The following DGKI variants were observed in gnomAD, a reference collection of about 807,000 sequenced individuals.
DGKI encodes DAG kinase iota.
In DGKI, 55 loss-of-function variants were observed where a neutral mutation model predicts 147.5. The ratio of observed to expected loss-of-function variants is 0.37; its 90% CI spans 0.30 to 0.47. The LOEUF (loss-of-function observed/expected upper bound fraction) is 0.47. Among genes scored for constraint, DGKI ranks in the 20% least tolerant of loss-of-function variants. The probability of loss-of-function intolerance (pLI) is 1.00; values close to 1 mark genes in which losing one functional copy is unlikely to be tolerated. For synonymous variants in DGKI, 469 were observed against 477.1 expected, an observed-to-expected ratio of 0.98 and a Z score of 0.22; for missense variants, 1,007 against 1,323.8, an observed-to-expected ratio of 0.76 and a Z score of 3.71.
At chr7:137,837,505 A>G (rs1394517034) in intron 1 of DGKI, among the ~76,000 whole-genome samples, 4 of 152,204 alleles carry the variant, frequency 2.6e-5, no homozygotes, top group Non-Finnish European at 5.9e-5. Flanking sequence ...CAAAAGTCAC[A>G]TGTTGAAATT....
chr7:137,747,598 G>A (rs147072060), intron 1 of DGKI, among the ~76,000 whole-genome samples: 12 of 152,176 alleles, frequency 7.9e-5, no homozygotes, highest in Admixed American at 2.6e-4. Context: ...TACTCAGGCC[G>A]GCTCCCACAT....
chr7:137,619,839 C>T lies in DGKI; in HGVS notation c.978G>A (p.Lys326=), dbSNP rs1197603125. The T allele has an allele frequency of 6.2e-7, 1 of 1,613,792 alleles. No individual in the cohort carries two copies. Among genetic ancestry groups the T allele is most frequent in the African/African-American group, 1.3e-5 (1 of 75,002 alleles). The change falls in exon 8 of 33, where the codon AAG becomes AAA. Residue 326 remains lysine, a synonymous_variant. Coordinates refer to ENST00000614521, the MANE Select transcript of DGKI (RefSeq NM_001321708.2). ...TGGCAGTTACCTGAGGTTTCTTCAC[C>T]TTAATGATCCAAGTGGGCGGGACAA... is the stretch of plus-strand genomic sequence containing the variant. ...AVIVPPTWII[K]VKKPQNSLKA...
chr7:137,516,689 T>C (rs1183262866), intron 21 of DGKI, among the ~76,000 whole-genome samples: 1 of 152,106 alleles, frequency 6.6e-6, no homozygotes, highest in Non-Finnish European at 1.5e-5. Flanking sequence ...TCTAGTTTCA[T>C]CTTTCAATGA....
chr7:137,493,275 C>T (rs1815838864), intron 21 of DGKI, among the ~76,000 whole-genome samples: 1 of 152,178 alleles, frequency 6.6e-6, no homozygotes, highest in Admixed American at 6.5e-5. Flanking sequence ...AGTGCCCCAT[C>T]GCACCCACTA....
rs192888351 is a variant in DGKI at position 137,659,147 on chromosome 7, C to T, written c.607-2607G>A. On this transcript the variant is annotated intron_variant, in intron 3 of 32. Coordinates refer to ENST00000614521, the MANE Select transcript of DGKI (RefSeq NM_001321708.2). ...TAGAGCTCCTTTTGAGTCAGTGTTG[C>T]TGTCTTTTGTTGCTCTCAATTTCCT... Among the ~76,000 whole-genome samples, 16 of 152,242 alleles carry T rather than the reference C, an allele frequency of 1.1e-4. No individual in the cohort carries two copies. In the East Asian group the frequency reaches 3.1e-3, roughly 29 times the overall value.
chr7:137,748,513 T>G (rs1176504897), intron 1 of DGKI, among the ~76,000 whole-genome samples: 1 of 152,104 alleles, frequency 6.6e-6, no homozygotes, highest in African/African-American at 2.4e-5. Flanking sequence ...CTACAACTAT[T>G]TATTGAGTCC....
intron 1 of DGKI, among the ~76,000 whole-genome samples, chr7:137,778,289 A>G (rs1360357335): frequency 6.6e-6 from 1 of 152,172 alleles, no homozygotes; most frequent in Non-Finnish European, 1.5e-5. Flanking sequence ...CTTTTAAGGG[A>G]AGGGTGTGTC....
At position 137,616,128 on chromosome 7, in the gene DGKI, G is replaced by A. The variant is rs146853810; in HGVS notation, c.993+3696C>T. Reference sequence around the variant, plus strand: ...GTGAGGCAGTGTGGCATACCAATAAGAGCTTGTTTTTTGGAATCAAAATTC... The same window carrying A: ...GTGAGGCAGTGTGGCATACCAATAAAAGCTTGTTTTTTGGAATCAAAATTC... On this transcript the variant is annotated intron_variant, in intron 8 of 32. Coordinates refer to ENST00000614521, the MANE Select transcript of DGKI (RefSeq NM_001321708.2). Among the ~76,000 whole-genome samples the A allele has an allele frequency of 3.2e-3, 483 of 152,160 alleles. 2 individuals are homozygous for A. Among genetic ancestry groups the A allele is most frequent in the African/African-American group, 0.011 (468 of 41,482 alleles).
chr7:137,589,963 A>C (rs940339344), intron 12 of DGKI, among the ~76,000 whole-genome samples: 11 of 152,170 alleles, frequency 7.2e-5, no homozygotes, highest in Non-Finnish European at 4.4e-5. Context: ...GGGTAAAGAA[A>C]ATGCTATGAG....
intron 2 of DGKI, among the ~76,000 whole-genome samples, chr7:137,685,963 C>A (rs1202624507): frequency 6.6e-6 from 1 of 152,146 alleles, no homozygotes; most frequent in African/African-American, 2.4e-5. Context: ...ATCCCCTTCT[C>A]ACTGATTGAG....
intron 21 of DGKI, among the ~76,000 whole-genome samples, chr7:137,504,907 C>G (rs922649288): frequency 2.6e-5 from 4 of 152,108 alleles, no homozygotes; most frequent in Non-Finnish European, 1.5e-5. Flanking sequence ...AACTTCCACT[C>G]TGTGAAAAGA....
At chr7:137,432,338 A>G (rs1363544500) in intron 28 of DGKI, among the ~76,000 whole-genome samples, 2 of 152,178 alleles carry the variant, frequency 1.3e-5, no homozygotes, top group Non-Finnish European at 2.9e-5. Context: ...GTAATCCTAG[A>G]GAACAATAGG....
chr7:137,644,407 C>A (rs1263647996), intron 6 of DGKI, among the ~76,000 whole-genome samples: 12 of 152,160 alleles, frequency 7.9e-5, no homozygotes, highest in African/African-American at 1.9e-4. Flanking sequence ...CCTTCATAAC[C>A]AATGGTTACA....
chr7:137,481,077 T>G (rs1261836146), intron 23 of DGKI, among the ~76,000 whole-genome samples: 1 of 152,158 alleles, frequency 6.6e-6, no homozygotes, highest in Non-Finnish European at 1.5e-5. Flanking sequence ...TTCCTCAAGC[T>G]CTACACTATT....
rs919527791 is a variant in DGKI at position 137,390,110 on chromosome 7, G to A, written c.*1110C>T. The A allele has an allele frequency of 6.6e-6, 1 of 151,994 alleles. No homozygotes were observed. The highest frequency in any genetic ancestry group is 1.5e-5 in the Non-Finnish European group (1 of 68,008). 9.4% of individuals were successfully genotyped at this position (151,994 alleles called of 1,614,324 possible). A position where few individuals can be genotyped will look rare whatever the true frequency, so the allele number is the denominator to read the frequency against. On this transcript the variant is annotated 3_prime_UTR_variant, in exon 33 of 33. Coordinates refer to ENST00000614521, the MANE Select transcript of DGKI (RefSeq NM_001321708.2). ...CAACAGTCTATAGTTATTAGCCTCT[G>A]TGCAACATTCCAATGACTGTTTCCT...
At chr7:137,451,183 C>G (rs1813939137) in intron 27 of DGKI, among the ~76,000 whole-genome samples, 2 of 133,494 alleles carry the variant, frequency 1.5e-5, no homozygotes, top group South Asian at 4.6e-4. Context: ...CAGCTTCAGA[C>G]AAGTCTCCAG....
intron 20 of DGKI, among the ~76,000 whole-genome samples, chr7:137,538,184 T>C (rs186085925): frequency 1.3e-5 from 2 of 152,326 alleles, no homozygotes; most frequent in African/African-American, 2.4e-5. Flanking sequence ...TTTTCTTCAA[T>C]TGTGAAGATC....
intron 1 of DGKI, among the ~76,000 whole-genome samples, chr7:137,748,674 T>G (rs1195173031): frequency 6.6e-6 from 1 of 152,204 alleles, no homozygotes; most frequent in Non-Finnish European, 1.5e-5. Flanking sequence ...TTTTTCTGCC[T>G]TCAATTTTTT....
At position 137,485,381 on chromosome 7, in the gene DGKI, T is replaced by C. The variant is rs1400134649; in HGVS notation, c.2366A>G (p.His789Arg). 6.2e-7 allele frequency: 1 copy of C among 1,608,670 alleles called. No individual in the cohort carries two copies. The highest frequency in any genetic ancestry group is 8.5e-7 in the Non-Finnish European group (1 of 1,177,104). ...QSVSSGSQRV[H>R]YQDHETSFPR... ...GAGTCAATTATTTGTTACCTGGTAA[T>C]GAACTCTCTGGGAGCCAGAAGAAAC... Residue 789 changes from histidine (H) to arginine (R), a missense_variant, in exon 23 of 33, where the codon CAT (histidine) becomes CGT (arginine). By Grantham distance (29) the His-to-Arg change is conservative. Transcript: ENST00000614521.
Sources: allele counts gnomAD v4.1 joint callset (sites outside exome capture counted in the v4.1 genomes callset), GRCh38; gene constraint gnomAD v4.1.1; transcripts MANE v1.5; gene names NCBI Gene and HGNC (gene_info 2026-07-23, HGNC 2026-07-21).